The following MAGI2 variants were observed in gnomAD, a reference collection of about 807,000 sequenced individuals.
The protein encoded by MAGI2 is membrane-associated guanylate kinase, WW and PDZ domain-containing protein 2.
MAGI2 carries 35 observed loss-of-function variants against 133.3 expected under a neutral mutation model. The ratio of observed to expected loss-of-function variants is 0.26; its 90% confidence interval spans 0.20 to 0.35. The LOEUF (loss-of-function observed/expected upper bound fraction) is 0.35, where lower values mean the gene tolerates loss of function less well. Ranked by LOEUF, MAGI2 falls within the 10% of genes least tolerant of loss-of-function variation. The pLI is 1.00. For synonymous variants in MAGI2, 729 were observed against 710.6 expected, an observed-to-expected ratio of 1.03 and a Z score of -0.41; for missense variants, 1,636 against 1,863.4, an observed-to-expected ratio of 0.88 and a Z score of 2.25.
chr7:78,762,261 T>G (rs1824586670), intron 2 of MAGI2, among the ~76,000 whole-genome samples: 1 of 150,276 alleles, frequency 6.7e-6, no homozygotes, highest in African/African-American at 2.5e-5. Flanking sequence ...CTGGCTAACA[T>G]GGTAAAACCC....
chr7:78,088,165 G>A (rs192175859), intron 20 of MAGI2, among the ~76,000 whole-genome samples: 141 of 152,260 alleles, frequency 9.3e-4, no homozygotes, highest in Non-Finnish European at 1.0e-3. Flanking sequence ...GAGAAAATGC[G>A]GGATTATTAT....
At chr7:79,085,379 T>C (rs1318974343) in intron 1 of MAGI2, among the ~76,000 whole-genome samples, 1 of 151,818 alleles carries the variant, frequency 6.6e-6, no homozygotes, top group African/African-American at 2.4e-5. Flanking sequence ...CAAGACATTA[T>C]TTTTGTAATT....
intron 20 of MAGI2, among the ~76,000 whole-genome samples, chr7:78,091,300 TA>T (rs1175323611): frequency 6.6e-6 from 1 of 152,096 alleles, no homozygotes; most frequent in Non-Finnish European, 1.5e-5. Context: ...ATGCTGCTAT[TA>T]AAAGGGCTTG....
chr7:78,143,895 C>A (rs1319990465), intron 16 of MAGI2, among the ~76,000 whole-genome samples: 1 of 150,190 alleles, frequency 6.7e-6, no homozygotes, highest in Non-Finnish European at 1.5e-5. Context: ...AATCTTAGGA[C>A]CATTTTTCTT....
intron 2 of MAGI2, among the ~76,000 whole-genome samples, chr7:78,734,021 TAAC>T (rs1432468517): frequency 1.3e-5 from 2 of 152,194 alleles, no homozygotes; most frequent in Non-Finnish European, 2.9e-5. Flanking sequence ...ATCGTAAACA[TAAC>T]AACTATATGG....
intron 6 of MAGI2, among the ~76,000 whole-genome samples, chr7:78,384,179 T>C (rs1047876044): frequency 2.0e-5 from 3 of 152,172 alleles, no homozygotes; most frequent in African/African-American, 7.2e-5. Flanking sequence ...GTAGATTGGT[T>C]TGGACAATGT....
At chr7:78,814,222 G>A (rs1316744240) in intron 2 of MAGI2, among the ~76,000 whole-genome samples, 1 of 152,168 alleles carries the variant, frequency 6.6e-6, no homozygotes, top group Non-Finnish European at 1.5e-5. Flanking sequence ...ATGCCTTTGT[G>A]TTTTATCTGT....
chr7:79,170,137 C>CT lies in MAGI2; in HGVS notation c.302-162932dup, dbSNP rs10539344. On this transcript the variant is annotated intron_variant, in intron 1 of 21. Transcript: ENST00000354212. ...TCAATGGTTACTTTGAGATATTATA[C>CT]TTTTTTTTTTTTTTTTTTTTTTTTT... 8.0e-3 allele frequency among the ~76,000 whole-genome samples: 344 copies of CT among 42,948 alleles called. 55 individuals carry two copies. The highest frequency in any genetic ancestry group is 0.031 in the Admixed American group (71 of 2,288). The allele number at this position is 42,948 out of a possible 152,430, so 28.2% of individuals were successfully genotyped here.
At chr7:78,524,820 C>T (rs190122984) in intron 3 of MAGI2, among the ~76,000 whole-genome samples, 136 of 152,238 alleles carry the variant, frequency 8.9e-4, no homozygotes, top group Non-Finnish European at 1.5e-3. Flanking sequence ...TACTTCTTAT[C>T]TAATAAGCAT....
chr7:78,767,303 A>T (rs376896770), intron 2 of MAGI2, among the ~76,000 whole-genome samples: 30 of 152,104 alleles, frequency 2.0e-4, no homozygotes, highest in African/African-American at 6.5e-4. Context: ...ACAAAGTTCT[A>T]ACCTTTGTTA....
intron 1 of MAGI2, among the ~76,000 whole-genome samples, chr7:79,376,832 GT>G: frequency 6.6e-6 from 1 of 150,522 alleles, no homozygotes; most frequent in Non-Finnish European, 1.5e-5. Context: ...GTGTGTGTGT[GT>G]GTGTGTGGGT....
chr7:78,070,204 TATATATATATATATACACAC>T (rs1441248126), intron 21 of MAGI2, among the ~76,000 whole-genome samples: 871 of 34,890 alleles, frequency 0.025, 12 homozygotes, highest in East Asian at 0.077. Flanking sequence ...TATATATATA[TATATATATATATATACACAC>T]ACACACACAG....
intron 2 of MAGI2, among the ~76,000 whole-genome samples, chr7:78,922,782 T>C (rs1285071051): frequency 1.3e-5 from 2 of 151,382 alleles, no homozygotes; most frequent in African/African-American, 2.4e-5. Flanking sequence ...ACTTCCACAA[T>C]GGTTGAACTA....
intron 4 of MAGI2, among the ~76,000 whole-genome samples, chr7:78,513,347 G>A (rs534326310): frequency 1.3e-5 from 2 of 152,268 alleles, no homozygotes; most frequent in South Asian, 4.1e-4. Context: ...CATTGATAGA[G>A]TCATGTAGAA....
At chr7:78,197,371 G>T (rs2150746788) in intron 11 of MAGI2, among the ~76,000 whole-genome samples, 1 of 152,304 alleles carries the variant, frequency 6.6e-6, no homozygotes, top group African/African-American at 2.4e-5. Flanking sequence ...CTGGGGAGCT[G>T]TAGTACTCTC....
At chr7:78,299,586 G>A (rs760650975) in intron 9 of MAGI2, among the ~76,000 whole-genome samples, 1 of 152,182 alleles carries the variant, frequency 6.6e-6, no homozygotes, top group South Asian at 2.1e-4. Context: ...TTTTTTTGGG[G>A]TTGCCACTAT....
At chr7:78,136,602 C>T (rs1240879420) in intron 16 of MAGI2, among the ~76,000 whole-genome samples, 1 of 152,136 alleles carries the variant, frequency 6.6e-6, no homozygotes, top group Non-Finnish European at 1.5e-5. Flanking sequence ...AAACTAGAAG[C>T]CTATTCCCTT....
intron 10 of MAGI2, among the ~76,000 whole-genome samples, chr7:78,206,399 C>T (rs948896490): frequency 7.3e-5 from 11 of 150,334 alleles, no homozygotes; most frequent in Non-Finnish European, 1.3e-4. Flanking sequence ...TCCAGCGATT[C>T]TCTTGCCTCA....
intron 12 of MAGI2, among the ~76,000 whole-genome samples, chr7:78,194,381 T>C (rs924153459): frequency 3.0e-4 from 45 of 152,322 alleles, no homozygotes; most frequent in African/African-American, 1.0e-3. Flanking sequence ...GCAGAGATGA[T>C]TGGCACCTAG....
Sources: gnomAD v4.1 joint callset for allele counts (sites outside exome capture counted in the v4.1 genomes callset) on GRCh38, gnomAD v4.1.1 for gene constraint, MANE v1.5 for transcripts, NCBI Gene and HGNC (gene_info 2026-07-23, HGNC 2026-07-21) for gene names.